Variants in TFB1M observed in about 807,000 individuals in gnomAD.
The protein encoded by TFB1M is dimethyladenosine transferase 1, mitochondrial.
A neutral mutation model predicts 31.1 loss-of-function variants in TFB1M; 27 were observed. That is an observed-to-expected ratio of 0.87 (90% CI 0.64 to 1.20). The LOEUF (loss-of-function observed/expected upper bound fraction) is 1.20. TFB1M is among the 50% of genes most tolerant of loss of function. The pLI is 0.00. For missense variants in TFB1M, 394 were observed against 418.7 expected (o/e 0.94, Z 0.51); for synonymous variants, 166 against 151.8 (o/e 1.09, Z -0.69).
At chr6:155,265,471 T>G (rs1011861503) in intron 5 of TFB1M, among the ~76,000 whole-genome samples, 2 of 149,644 alleles carry the variant, frequency 1.3e-5, no homozygotes, top group African/African-American at 4.9e-5. Context: ...CGTATATTCA[T>G]AGCTGATACT....
the TFB1M span, chr6:155,251,119 G>GA: frequency 9.7e-6 from 10 of 1,036,114 alleles, no homozygotes. Flanking sequence ...TGAGCTCCAG[G>GA]AGTCAGAATT....
chr6:155,231,768 C>T, the TFB1M span, among the ~76,000 whole-genome samples: 1 of 152,252 alleles, frequency 6.6e-6, no homozygotes, highest in Non-Finnish European at 1.5e-5. Context: ...GTGCAGGATC[C>T]ACCTCCACTC....
In TFB1M at chr6:155,260,285, T is replaced by C; in HGVS notation, c.782A>G (p.His261Arg). 2 of 1,614,244 alleles carry C rather than the reference T, an allele frequency of 1.2e-6. No individual in the cohort carries two copies. Among genetic ancestry groups the C allele is most frequent in the Non-Finnish European group, 1.7e-6 (2 of 1,180,016 alleles). ...NVFQFRRKYC[H>R]RGLRMLFPEA... ...AAGGCATTCTTACCTGAGCCCTCGA[T>C]GGCAGTATTTCCTTCGGAACTGAAA... Residue 261 changes from histidine (H) to arginine (R), a missense_variant, in exon 6 of 7, where the codon CAT becomes CGT. His to Arg is a conservative substitution (Grantham distance 29). Around this residue, in one of 3 missense-constraint regions of TFB1M, gnomAD observed 115 missense variants for 144.1 expected, o/e 0.80. Coordinates refer to ENST00000367166, the MANE Select transcript of TFB1M (RefSeq NM_016020.4).
chr6:155,269,633 C>T (rs1254420025), intron 5 of TFB1M, among the ~76,000 whole-genome samples: 3 of 152,048 alleles, frequency 2.0e-5, no homozygotes, highest in Non-Finnish European at 4.4e-5. Context: ...GTTTTCTTGT[C>T]TATAAAATTC....
chr6:155,272,287 T>C (rs1784955756), intron 5 of TFB1M, among the ~76,000 whole-genome samples: 1 of 152,244 alleles, frequency 6.6e-6, no homozygotes, highest in Non-Finnish European at 1.5e-5. Flanking sequence ...GTAAATCTGC[T>C]TTTAAATATT....
At position 155,256,604 on chromosome 6, in the gene TFB1M, GCGGCTGCCCCA is replaced by G; in HGVS notation, c.*1221_*1231del. 1 of 1,614,208 alleles carries G rather than the reference GCGGCTGCCCCA, an allele frequency of 6.2e-7. No homozygotes were observed. Among genetic ancestry groups the G allele is most frequent in the Non-Finnish European group, 8.5e-7 (1 of 1,180,038 alleles). ...AGCTTGAGCAGCGGCACCCAGAGCA[GCGGCTGCCCCA>G]CGGCTGAGGGCAGGCAGGACTCCAA... is the stretch of plus-strand genomic sequence containing the variant. On this transcript the variant is annotated 3_prime_UTR_variant, in exon 7 of 7. Transcript: ENST00000367166.
At chr6:155,254,338 A>C, downstream of TFB1M, 1 of 1,551,296 alleles carries the variant, frequency 6.4e-7, no homozygotes, top group Non-Finnish European at 8.8e-7. Context: ...GGTGCAAGGC[A>C]CAGGAACACA....
At chr6:155,305,992 T>C (rs1336396268) in intron 2 of TFB1M, among the ~76,000 whole-genome samples, 1 of 151,336 alleles carries the variant, frequency 6.6e-6, no homozygotes, top group East Asian at 1.9e-4. Context: ...CTGAACCATA[T>C]AAATATCTCT....
At chr6:155,268,651 C>A (rs1784772653) in intron 5 of TFB1M, among the ~76,000 whole-genome samples, 1 of 152,016 alleles carries the variant, frequency 6.6e-6, no homozygotes, top group Non-Finnish European at 1.5e-5. Flanking sequence ...GACCTTACCC[C>A]CAACCCGGTG....
At chr6:155,251,100 G>A in the TFB1M span, 1 of 1,240,304 alleles carries the variant, frequency 8.1e-7, no homozygotes, top group East Asian at 2.3e-5. Context: ...CACCAGTCCA[G>A]CTCACTCCTG....
intron 5 of TFB1M, among the ~76,000 whole-genome samples, chr6:155,269,324 C>CTTTTTTTTTTTTTTTTTTTT (rs60162262): frequency 2.4e-5 from 3 of 127,270 alleles, no homozygotes; most frequent in Non-Finnish European, 4.8e-5. Flanking sequence ...CTTTTCTTTT[C>CTTTTTTTTTTTTTTTTTTTT]TTTTTTTTTT....
At chr6:155,273,341 T>C (rs1785029835) in intron 5 of TFB1M, among the ~76,000 whole-genome samples, 1 of 152,230 alleles carries the variant, frequency 6.6e-6, no homozygotes, top group Non-Finnish European at 1.5e-5. Context: ...ATTTACATTT[T>C]CAGATTATGA....
At chr6:155,298,059 G>A (rs1777256195) in intron 3 of TFB1M, among the ~76,000 whole-genome samples, 2 of 152,256 alleles carry the variant, frequency 1.3e-5, no homozygotes, top group Non-Finnish European at 1.5e-5. Context: ...AACACTGTCT[G>A]TGAATGAAGA....
At chr6:155,248,235 C>A in the TFB1M span, 1 of 1,552,520 alleles carries the variant, frequency 6.4e-7, no homozygotes, top group Non-Finnish European at 8.7e-7. Context: ...CGAGGGGCTG[C>A]CAGCCGTGCC....
the TFB1M span, among the ~76,000 whole-genome samples, chr6:155,236,108 C>T: frequency 3.3e-5 from 5 of 151,834 alleles, no homozygotes; most frequent in African/African-American, 7.3e-5. Flanking sequence ...TCTTGGAGTC[C>T]GAGTATTATC....
chr6:155,310,856 T>G (rs530289595), intron 2 of TFB1M: 4 of 271,364 alleles, frequency 1.5e-5, no homozygotes, highest in Admixed American at 9.8e-5. Context: ...TATTTATTTT[T>G]ATTTATTTTT....
chr6:155,292,364 G>T (rs915187268), intron 4 of TFB1M, among the ~76,000 whole-genome samples: 16 of 152,140 alleles, frequency 1.1e-4, no homozygotes, highest in African/African-American at 3.6e-4. Context: ...GGTCCCAAGG[G>T]TCCCCCAAGT....
chr6:155,290,181 T>C (rs982853016), intron 4 of TFB1M, among the ~76,000 whole-genome samples: 2 of 150,686 alleles, frequency 1.3e-5, no homozygotes, highest in African/African-American at 4.9e-5. Flanking sequence ...GGTCAGGAGA[T>C]CGAGACCATC....
Position 155,258,079 on chromosome 6 carries a change from C to T in TFB1M, c.798G>A (p.Met266Ile), listed in dbSNP as rs940095020. ...CCAAGCGCTGCGCTTCAGGGAATAA[C>T]ATTCTGAGGGGAAGACAGACAGACA... Reference protein sequence around the residue: ...RRKYCHRGLRMLFPEAQRLES... With the variant: ...RRKYCHRGLRILFPEAQRLES... Residue 266 changes from methionine to isoleucine, a missense_variant, in exon 7 of 7, where the codon ATG becomes ATA. Met to Ile is a conservative substitution (Grantham distance 10). This residue lies in a region of TFB1M where 115 missense variants were observed against 144.1 expected (regional missense o/e 0.80). Transcript: ENST00000367166. The T allele has an allele frequency of 6.2e-7, 1 of 1,614,194 alleles. No individual in the cohort carries two copies. Among genetic ancestry groups the T allele is most frequent in the Non-Finnish European group, 8.5e-7 (1 of 1,180,036 alleles).
Sources: allele counts gnomAD v4.1 joint callset (sites outside exome capture counted in the v4.1 genomes callset), GRCh38; gene constraint gnomAD v4.1.1; regional missense constraint gnomAD v4.1.1; transcripts MANE v1.5; gene names NCBI Gene and HGNC (gene_info 2026-07-23, HGNC 2026-07-21).